ARFIP1: variants seen among roughly 807,000 people sequenced by gnomAD.
ARFIP1 encodes arfaptin-1.
Under a neutral mutation model 42.5 loss-of-function variants are expected in ARFIP1, and 24 were observed. That is an observed-to-expected ratio of 0.57 (90% CI 0.41 to 0.80). The LOEUF is 0.80. Among genes scored for constraint, ARFIP1 ranks in the 30% least tolerant of loss-of-function variants. The probability of loss-of-function intolerance (pLI) is 0.00; values close to 1 mark genes in which losing one functional copy is unlikely to be tolerated. For synonymous variants in ARFIP1, 141 were observed against 153.7 expected, an observed-to-expected ratio of 0.92 and a Z score of 0.61; for missense variants, 354 against 434.0, an observed-to-expected ratio of 0.82 and a Z score of 1.64.
At chr4:152,904,757 A>T (rs1159768702) in intron 8 of ARFIP1, among the ~76,000 whole-genome samples, 1 of 152,144 alleles carries the variant, frequency 6.6e-6, no homozygotes, top group Admixed American at 6.5e-5. Context: ...ATAGTATTCC[A>T]TGGTGTATAT....
intron 1 of ARFIP1, among the ~76,000 whole-genome samples, chr4:152,801,617 G>C (rs923019734): frequency 1.3e-5 from 2 of 152,054 alleles, no homozygotes; most frequent in African/African-American, 4.8e-5. Flanking sequence ...ATAGATAGAA[G>C]AAAGAAAGAA....
intron 1 of ARFIP1, among the ~76,000 whole-genome samples, chr4:152,797,011 C>G (rs1222219917): frequency 6.6e-6 from 1 of 152,080 alleles, no homozygotes; most frequent in Non-Finnish European, 1.5e-5. Context: ...TTTATGTAGT[C>G]AATATTTTCT....
intron 2 of ARFIP1, among the ~76,000 whole-genome samples, chr4:152,848,104 T>G (rs1732708658): frequency 6.6e-6 from 1 of 152,100 alleles, no homozygotes; most frequent in Non-Finnish European, 1.5e-5. Flanking sequence ...ACCTTAGAGA[T>G]CTCGGAGTCT....
chr4:152,892,038 A>G (rs750984068), intron 8 of ARFIP1, among the ~76,000 whole-genome samples: 1 of 151,916 alleles, frequency 6.6e-6, no homozygotes, highest in Non-Finnish European at 1.5e-5. Flanking sequence ...AACATAGTAT[A>G]CTTTTCCTAT....
In ARFIP1 at chr4:152,909,589, T is replaced by A. The variant is rs560863432; in HGVS notation, c.967-475T>A. 1.5e-4 allele frequency among the ~76,000 whole-genome samples: 23 copies of A among 152,336 alleles called. 1 individual carries two copies. Among genetic ancestry groups the A allele is most frequent in the African/African-American group, 5.3e-4 (22 of 41,574 alleles). On this transcript the variant is annotated intron_variant, in intron 8 of 8. Transcript: ENST00000353617. ...AGTAAATTGATTTTCTGAGCAACAC[T>A]TGCTACTTGCTTGATTCTTTACAAA...
chr4:152,847,121 G>GTTGTTTTTTTTTTTTTTTTTTTT (rs1561139273), intron 2 of ARFIP1, among the ~76,000 whole-genome samples: 1 of 48,180 alleles, frequency 2.1e-5, no homozygotes, highest in Non-Finnish European at 4.3e-5. Flanking sequence ...TTTTAGGTTT[G>GTTGTTTTTTTTTTTTTTTTTTTT]TTCTTTTTTT....
At chr4:152,901,036 A>C (rs1360955409) in intron 8 of ARFIP1, among the ~76,000 whole-genome samples, 1 of 152,190 alleles carries the variant, frequency 6.6e-6, no homozygotes, top group Non-Finnish European at 1.5e-5. Flanking sequence ...GATTACTTTC[A>C]GTGGCAAAAC....
At chr4:152,827,710 C>G (rs1730951558) in intron 1 of ARFIP1, among the ~76,000 whole-genome samples, 1 of 152,116 alleles carries the variant, frequency 6.6e-6, no homozygotes, top group South Asian at 2.1e-4. Flanking sequence ...GCATCTTGCT[C>G]TGTTGCCCAG....
At chr4:152,843,218 C>G (rs988097918) in intron 2 of ARFIP1, among the ~76,000 whole-genome samples, 1 of 152,168 alleles carries the variant, frequency 6.6e-6, no homozygotes, top group Non-Finnish European at 1.5e-5. Context: ...GAGAGTGTAT[C>G]TGGCTCCAGG....
intron 7 of ARFIP1, among the ~76,000 whole-genome samples, chr4:152,887,851 TA>T (rs1240300822): frequency 6.6e-6 from 1 of 152,092 alleles, no homozygotes; most frequent in Admixed American, 6.6e-5. Flanking sequence ...TTTTGACATT[TA>T]TTTTTTTTAA....
chr4:152,802,254 A>C (rs377498669), intron 1 of ARFIP1, among the ~76,000 whole-genome samples: 74 of 152,320 alleles, frequency 4.9e-4, no homozygotes, highest in African/African-American at 1.7e-3. Context: ...TAATTAGTCC[A>C]CTAAGCACTG....
At chr4:152,852,123 A>G (rs1296258537) in intron 2 of ARFIP1, among the ~76,000 whole-genome samples, 2 of 152,238 alleles carry the variant, frequency 1.3e-5, no homozygotes, top group Non-Finnish European at 2.9e-5. Context: ...ATCCCATTTT[A>G]TTATACACTT....
intron 8 of ARFIP1, among the ~76,000 whole-genome samples, chr4:152,894,661 C>T (rs1737160259): frequency 6.6e-6 from 1 of 152,152 alleles, no homozygotes; most frequent in Non-Finnish European, 1.5e-5. Flanking sequence ...GTAAGCATAA[C>T]AAGCAACCAG....
chr4:152,787,643 T>C (rs1328093566), intron 1 of ARFIP1, among the ~76,000 whole-genome samples: 1 of 152,232 alleles, frequency 6.6e-6, no homozygotes, highest in East Asian at 1.9e-4. Flanking sequence ...GTGACACCTT[T>C]GCTTTTGGAT....
rs188722422 is a variant in ARFIP1 at position 152,844,835 on chromosome 4, C to T, written c.93+15109C>T. Among the ~76,000 whole-genome samples, 28 of 152,168 alleles carry T rather than the reference C, an allele frequency of 1.8e-4. No individual in the cohort carries two copies. In the East Asian group the frequency reaches 2.3e-3, roughly 13 times the overall value. The stretch of plus-strand genomic sequence containing the variant: ...TGCTTTTCTATTAAACTGCCAGTAT[C>T]ATTTTTTCACAGAACTAGAAAAAAC... On this transcript the variant is annotated intron_variant, in intron 2 of 8. Coordinates refer to ENST00000353617, the MANE Select transcript of ARFIP1 (RefSeq NM_001025595.3).
At chr4:152,862,085 A>G (rs567550995) in intron 2 of ARFIP1, among the ~76,000 whole-genome samples, 47 of 152,344 alleles carry the variant, frequency 3.1e-4, no homozygotes, top group African/African-American at 8.2e-4. Flanking sequence ...ATTTACCGCT[A>G]TCTCTCAACA....
chr4:152,895,358 C>T (rs560601435), intron 8 of ARFIP1, among the ~76,000 whole-genome samples: 2 of 152,056 alleles, frequency 1.3e-5, no homozygotes, highest in South Asian at 4.2e-4. Flanking sequence ...CTTTATTCAG[C>T]AAATATTGAT....
At position 152,795,024 on chromosome 4, in the gene ARFIP1, G is replaced by A. The variant is rs185789030; in HGVS notation, c.-10+14798G>A. On this transcript the variant is annotated intron_variant, in intron 1 of 8. Coordinates refer to ENST00000353617, the MANE Select transcript of ARFIP1 (RefSeq NM_001025595.3). ...AGTCAGAATTATTACAAAATATATC[G>A]TGTATCCAGAGAAGTGTCACTCCAT... Among the ~76,000 whole-genome samples the A allele has an allele frequency of 8.5e-5, 13 of 152,108 alleles. No individual in the cohort carries two copies. In the East Asian group the frequency reaches 1.2e-3, roughly 14 times the overall value.
intron 1 of ARFIP1, among the ~76,000 whole-genome samples, chr4:152,827,165 G>A (rs1730902690): frequency 6.6e-6 from 1 of 152,140 alleles, no homozygotes; most frequent in Admixed American, 6.5e-5. Flanking sequence ...TTTATGTTAC[G>A]TGTTTTTTAC....
Sources: gnomAD v4.1 joint callset for allele counts (sites outside exome capture counted in the v4.1 genomes callset) on GRCh38, gnomAD v4.1.1 for gene constraint, MANE v1.5 for transcripts, NCBI Gene and HGNC (gene_info 2026-07-23, HGNC 2026-07-21) for gene names.